The following SERAC1 variants were observed in gnomAD, a reference collection of about 807,000 sequenced individuals.
The protein encoded by SERAC1 is serine active site containing 1.
In SERAC1, 36 loss-of-function variants were observed where a neutral mutation model predicts 85.7. The observed-to-expected ratio is 0.42, with a 90% confidence interval of 0.32 to 0.55. The LOEUF is 0.55. Ranked by LOEUF, SERAC1 falls within the 20% of genes least tolerant of loss-of-function variation. The pLI is 0.11. For synonymous variants in SERAC1, 242 were observed against 265.3 expected, an observed-to-expected ratio of 0.91 and a Z score of 0.85; for missense variants, 629 against 796.2, an observed-to-expected ratio of 0.79 and a Z score of 2.53.
intron 1 of SERAC1, among the ~76,000 whole-genome samples, chr6:158,164,272 G>A (rs895085578): frequency 5.9e-5 from 9 of 151,748 alleles, no homozygotes; most frequent in African/African-American, 1.2e-4. Flanking sequence ...TCAGGAGATC[G>A]AGACCAGCCT....
At position 158,119,278 on chromosome 6, in the gene SERAC1, A is replaced by C; in HGVS notation, c.1167-108T>G. ...TGGTGCTTTAGCAGGCTTATGTGACATAAAACTGAATTAAAGCAAGCTCTA... is the reference window on the plus strand; with the variant it reads ...TGGTGCTTTAGCAGGCTTATGTGACCTAAAACTGAATTAAAGCAAGCTCTA... On this transcript the variant is annotated intron_variant, in intron 11 of 16. Coordinates refer to ENST00000647468, the MANE Select transcript of SERAC1 (RefSeq NM_032861.4). This position sits in a 1 kb window ranked among gnomAD's most constrained non-coding sequence, Gnocchi z 4.5. 7.7e-7 allele frequency: 1 copy of C among 1,305,172 alleles called. No homozygotes were observed. Among genetic ancestry groups the C allele is most frequent in the Non-Finnish European group, 1.0e-6 (1 of 975,470 alleles). The allele number at this position is 1,305,172 out of a possible 1,614,324, so 80.8% of individuals were successfully genotyped here.
At chr6:158,167,679 A>G (rs1308563986) in intron 1 of SERAC1, among the ~76,000 whole-genome samples, 1 of 152,188 alleles carries the variant, frequency 6.6e-6, no homozygotes, top group Non-Finnish European at 1.5e-5. Flanking sequence ...ACTTGGGGAA[A>G]GGGAGTAACT....
At chr6:158,156,737 A>AT (rs1785342947) in intron 2 of SERAC1, among the ~76,000 whole-genome samples, 2 of 142,158 alleles carry the variant, frequency 1.4e-5, no homozygotes, top group South Asian at 2.1e-4. Context: ...ATATATATAT[A>AT]AATATATTAT....
chr6:158,156,611 A>C (rs892864534), intron 2 of SERAC1, among the ~76,000 whole-genome samples: 7 of 151,376 alleles, frequency 4.6e-5, no homozygotes, highest in Admixed American at 4.0e-4. Flanking sequence ...ATGTAAGAAG[A>C]ATGAAAATCA....
chr6:158,154,159 C>CAAAAAAAAAAAAAAAAAA lies in SERAC1; in HGVS notation c.128+1138_128+1155dup, dbSNP rs3041474. 3.0e-5 allele frequency among the ~76,000 whole-genome samples: 2 copies of CAAAAAAAAAAAAAAAAAA among 66,056 alleles called. 1 individual carries two copies. Among genetic ancestry groups the CAAAAAAAAAAAAAAAAAA allele is most frequent in the Non-Finnish European group, 5.8e-5 (2 of 34,536 alleles). 43.3% of individuals were successfully genotyped at this position (66,056 alleles called of 152,430 possible). A position where few individuals can be genotyped will look rare whatever the true frequency, so the allele number is the denominator to read the frequency against. On this transcript the variant is annotated intron_variant, in intron 3 of 16. Transcript: ENST00000647468. Reference sequence around the variant, plus strand: ...TGGGTGACAGAGGAAAACTCTGTCTCAAAAAAAAAAAAAAAAAAAAAGAAT... The same window carrying CAAAAAAAAAAAAAAAAAA: ...TGGGTGACAGAGGAAAACTCTGTCTCAAAAAAAAAAAAAAAAAAAAAAAAAAAAAAAAAAAAAAAGAAT...
intron 7 of SERAC1, among the ~76,000 whole-genome samples, chr6:158,143,736 A>G (rs2128420190): frequency 6.6e-6 from 1 of 152,210 alleles, no homozygotes; most frequent in Middle Eastern, 3.4e-3. Context: ...CAGAAGTTTT[A>G]AGAGTTTCAT....
At chr6:158,164,482 T>A (rs570597894) in intron 1 of SERAC1, among the ~76,000 whole-genome samples, 301 of 151,162 alleles carry the variant, frequency 2.0e-3, no homozygotes, top group African/African-American at 5.1e-3. Flanking sequence ...CTCAAAAAAA[T>A]ATATATATAT....
In SERAC1 at chr6:158,111,365, G is replaced by T; in HGVS notation, c.*1C>A. On this transcript the variant is annotated 3_prime_UTR_variant, in exon 17 of 17. Transcript: ENST00000647468. ...ATATGAAAACTGGAAGAGCACAACT[G>T]TTAGTTTTCAAGGTCTTTGGCTAAA... is the stretch of plus-strand genomic sequence containing the variant. 6.3e-7 allele frequency: 1 copy of T among 1,581,388 alleles called. No individual in the cohort carries two copies.
chr6:158,121,104 TG>T (rs1257129080), intron 10 of SERAC1, among the ~76,000 whole-genome samples: 1 of 152,218 alleles, frequency 6.6e-6, no homozygotes, highest in African/African-American at 2.4e-5. Context: ...AGAAAATGCA[TG>T]GATAATACTA....
chr6:158,154,717 T>C (rs748793601), intron 3 of SERAC1, among the ~76,000 whole-genome samples: 5 of 152,180 alleles, frequency 3.3e-5, no homozygotes, highest in Non-Finnish European at 4.4e-5. Context: ...TCAATTTCCT[T>C]TCATGCGAGC....
In SERAC1 at chr6:158,146,905, T is replaced by C. The variant is rs191208250; in HGVS notation, c.364A>G (p.Ser122Gly). ...ILRNPFADPF[S>G]TVDIEDHECA... is the part of the protein sequence containing the mutation. The stretch of plus-strand genomic sequence containing the variant: ...TCATGATCTTCTATATCAACTGTAC[T>C]AAAAGGATCTTTGCAAAAAGAAAAA... Residue 122 changes from serine to glycine, a missense_variant, in exon 6 of 17, where the codon AGT (serine) becomes GGT (glycine). By Grantham distance (56) the Ser-to-Gly change is moderately conservative (BLOSUM62 0). Coordinates refer to ENST00000647468, the MANE Select transcript of SERAC1 (RefSeq NM_032861.4). 221 of 1,612,934 alleles carry C rather than the reference T, an allele frequency of 1.4e-4. 2 individuals carry two copies. In the South Asian group the frequency reaches 2.4e-3, roughly 17 times the overall value.
chr6:158,113,358 T>C (rs1458109478), intron 16 of SERAC1, 91 bp downstream of exon 16: 4 of 1,029,212 alleles, frequency 3.9e-6, no homozygotes, highest in Admixed American at 2.2e-5. Flanking sequence ...CTCTTAAAAC[T>C]GAGAACCTGG....
chr6:158,153,117 A>G (rs1027794130), intron 3 of SERAC1, among the ~76,000 whole-genome samples: 23 of 152,216 alleles, frequency 1.5e-4, no homozygotes, highest in African/African-American at 5.3e-4. Flanking sequence ...TTTTATTATA[A>G]CAATGTGCTT....
At chr6:158,136,926 A>G (rs186246291) in intron 8 of SERAC1, among the ~76,000 whole-genome samples, 44 of 152,270 alleles carry the variant, frequency 2.9e-4, no homozygotes, top group African/African-American at 1.0e-3. Flanking sequence ...TTGGGAGGCC[A>G]AGGCAGGCGG....
intron 1 of SERAC1, chr6:158,161,462 A>G (rs1379479005): frequency 2.0e-5 from 3 of 151,670 alleles, no homozygotes; most frequent in East Asian, 1.9e-4. Context: ...TTCCTTTGGT[A>G]CATTAATGGT....
In SERAC1 at chr6:158,117,379, T is replaced by A; in HGVS notation, c.1403+348A>T. On this transcript the variant is annotated intron_variant, in intron 13 of 16. Coordinates refer to ENST00000647468, the MANE Select transcript of SERAC1 (RefSeq NM_032861.4). The surrounding 1 kb of genome is among the most constrained non-coding windows in gnomAD (Gnocchi z 4.3). ...TGATATTTCTCAGCATCTTTCTCTT[T>A]GCTTCCTTTAGCCAGTATGATTGTG... 2 of 759,994 alleles carry A rather than the reference T, an allele frequency of 2.6e-6. No homozygotes were observed. The highest frequency in any genetic ancestry group is 4.2e-6 in the Non-Finnish European group (2 of 478,896). The allele number at this position is 759,994 out of a possible 1,614,324, so 47.1% of individuals were successfully genotyped here. A position where few individuals can be genotyped will look rare whatever the true frequency, so the allele number is the denominator to read the frequency against.
rs200708767 is a variant in SERAC1, at chr6:158,125,929, AAAAC to A, written c.1015+2175_1015+2178del. Among the ~76,000 whole-genome samples, 589 of 152,294 alleles carry A rather than the reference AAAAC, an allele frequency of 3.9e-3. 5 individuals carry two copies. The highest frequency in any genetic ancestry group is 0.014 in the African/African-American group (564 of 41,552). On this transcript the variant is annotated intron_variant, in intron 10 of 16. Coordinates refer to ENST00000647468, the MANE Select transcript of SERAC1 (RefSeq NM_032861.4). ...AAAAGAGGAGAAACAACAGAATTTAAAAACAAACACTCAAGTAATACAAGAAGTC... is the reference window on the plus strand; with the variant it reads ...AAAAGAGGAGAAACAACAGAATTTAAAAACACTCAAGTAATACAAGAAGTC...
intron 1 of SERAC1, among the ~76,000 whole-genome samples, chr6:158,160,065 T>TG (rs1215954900): frequency 6.6e-6 from 1 of 152,214 alleles, no homozygotes; most frequent in African/African-American, 2.4e-5. Flanking sequence ...ATTTTGTTGT[T>TG]TCTATAGTCC....
intron 16 of SERAC1, chr6:158,112,003 CTAGTGAGGCCACCTAGGTGAGGA>C (rs1784154418): frequency 6.6e-6 from 1 of 152,656 alleles, no homozygotes; most frequent in African/African-American, 2.4e-5. Flanking sequence ...ATAAGAGGTA[CTAGTGAGGCCACCTAGGTGAGGA>C]ATGCAGGTGG....
Sources: gnomAD v4.1 joint callset for allele counts (sites outside exome capture counted in the v4.1 genomes callset) on GRCh38, gnomAD v4.1.1 for gene constraint, Gnocchi (gnomAD v3.1) non-coding constraint, MANE v1.5 for transcripts, NCBI Gene and HGNC (gene_info 2026-07-23, HGNC 2026-07-21) for gene names.